The following NFAM1 variants were observed in gnomAD, a reference collection of about 807,000 sequenced individuals.
NFAM1 encodes NFAT activating protein with ITAM motif 1.
Under a neutral mutation model 29.0 loss-of-function variants are expected in NFAM1, and 17 were observed. That is an observed-to-expected ratio of 0.59 (90% CI 0.40 to 0.88). The LOEUF is 0.88. Ranked by LOEUF, NFAM1 falls within the 40% of genes least tolerant of loss-of-function variation. NFAM1 has a pLI of 0.00. For synonymous variants in NFAM1, 175 were observed against 147.2 expected (o/e 1.19, Z -1.36); for missense variants, 324 against 344.6 (o/e 0.94, Z 0.47).
At chr22:42,385,932 T>C (rs1929123378) in intron 5 of NFAM1, among the ~76,000 whole-genome samples, 1 of 152,232 alleles carries the variant, frequency 6.6e-6, no homozygotes, top group Admixed American at 6.5e-5. Flanking sequence ...TGTGGGCTCC[T>C]GTTCTGGCTG....
At chr22:42,385,366 G>C (rs1429430300) in intron 5 of NFAM1, 146 bp from the exon 6 acceptor site, 1 of 671,740 alleles carries the variant, frequency 1.5e-6, no homozygotes, top group Non-Finnish European at 2.7e-6. Context: ...CTGTCTCCAA[G>C]CCCACCTCCC....
intron 3 of NFAM1, among the ~76,000 whole-genome samples, chr22:42,407,660 C>G (rs1043885003): frequency 3.3e-5 from 5 of 152,174 alleles, no homozygotes; most frequent in African/African-American, 1.2e-4. Flanking sequence ...GTGATCACAG[C>G]TCACTGCAGC....
chr22:42,434,681 T>C (rs1043675419), upstream of NFAM1, among the ~76,000 whole-genome samples: 12 of 152,208 alleles, frequency 7.9e-5, no homozygotes, highest in Non-Finnish European at 1.8e-4. Context: ...GTGCTTCCTC[T>C]CCTGTGCCCT....
chr22:42,399,031 G>A (rs926128439), intron 3 of NFAM1, among the ~76,000 whole-genome samples: 8 of 152,208 alleles, frequency 5.3e-5, no homozygotes, highest in Non-Finnish European at 1.0e-4. Context: ...GGGCAGAAGC[G>A]ATATTGAAGG....
At chr22:42,407,081 C>CTTTTT (rs1177618694) in intron 3 of NFAM1, among the ~76,000 whole-genome samples, 11 of 118,966 alleles carry the variant, frequency 9.2e-5, no homozygotes, top group African/African-American at 3.4e-4. Context: ...GGACCTTCCT[C>CTTTTT]TTTTTTTTTT....
At chr22:42,411,781 G>A (rs367737431) in intron 1 of NFAM1, 45 bp from the exon 2 acceptor site, 5 of 1,381,612 alleles carry the variant, frequency 3.6e-6, no homozygotes, top group East Asian at 2.3e-5. Flanking sequence ...ACTTGAGGCT[G>A]CCTCAGTCCC....
At chr22:42,389,594 GGGGCT>G in intron 4 of NFAM1, among the ~76,000 whole-genome samples, 1 of 150,882 alleles carries the variant, frequency 6.6e-6, no homozygotes, top group East Asian at 2.0e-4. Context: ...TTGTGGGGCT[GGGGCT>G]GGGCTGGGCT....
chr22:42,430,380 C>T (rs1473697395), intron 1 of NFAM1, among the ~76,000 whole-genome samples: 2 of 152,036 alleles, frequency 1.3e-5, no homozygotes, highest in African/African-American at 4.8e-5. Context: ...GCCAACATGG[C>T]AAAACTCTGT....
At chr22:42,389,215 G>C (rs1929249656) in intron 4 of NFAM1, among the ~76,000 whole-genome samples, 1 of 152,218 alleles carries the variant, frequency 6.6e-6, no homozygotes, top group African/African-American at 2.4e-5. Flanking sequence ...AGCCCAGAGA[G>C]GGCAGGTGAT....
intron 1 of NFAM1, among the ~76,000 whole-genome samples, chr22:42,413,029 G>C (rs1242024931): frequency 6.6e-6 from 1 of 152,184 alleles, no homozygotes; most frequent in Non-Finnish European, 1.5e-5. Flanking sequence ...ATCCTGGGCT[G>C]GGGGCAGCAG....
rs200270889 is a variant in NFAM1 at position 42,387,042 on chromosome 22, T to A, written c.700A>T (p.Ile234Phe). ...GGTGAGCTGCCATCCTCATTCTCGA[T>A]GCAGGCATAGACCTCGGTCTCGCGG... ...QRRETEVYAC[I>F]ENEDGSSPTA... Residue 234 changes from isoleucine to phenylalanine, a missense_variant, in exon 5 of 6, where the codon ATC (isoleucine) becomes TTC (phenylalanine). By Grantham distance (21) the Ile-to-Phe change is conservative. Coordinates refer to ENST00000329021, the MANE Select transcript of NFAM1 (RefSeq NM_145912.8). 1 of 1,587,592 alleles carries A rather than the reference T, an allele frequency of 6.3e-7. No homozygotes were observed. Among genetic ancestry groups the A allele is most frequent in the Admixed American group, 1.8e-5 (1 of 56,164 alleles).
intron 3 of NFAM1, among the ~76,000 whole-genome samples, chr22:42,400,749 A>C (rs1929698835): frequency 6.6e-6 from 1 of 152,214 alleles, no homozygotes; most frequent in African/African-American, 2.4e-5. Context: ...CTGCTTCTTG[A>C]GGGCACCGTC....
chr22:42,392,943 G>A (rs766426495), intron 4 of NFAM1, among the ~76,000 whole-genome samples: 1 of 152,038 alleles, frequency 6.6e-6, no homozygotes, highest in Admixed American at 6.6e-5. Flanking sequence ...GAGGCAACAG[G>A]TGTGCACCAC....
At chr22:42,425,359 A>G (rs1475718837) in intron 1 of NFAM1, among the ~76,000 whole-genome samples, 1 of 152,136 alleles carries the variant, frequency 6.6e-6, no homozygotes, top group Non-Finnish European at 1.5e-5. Context: ...TTTAAAATAT[A>G]TATGCTTCTG....
chr22:42,422,042 C>T (rs765086083), intron 1 of NFAM1, among the ~76,000 whole-genome samples: 23 of 152,208 alleles, frequency 1.5e-4, no homozygotes, highest in Admixed American at 5.2e-4. Context: ...GAGACTATTT[C>T]GGAGCTTTTA....
chr22:42,386,325 G>A lies in NFAM1; in HGVS notation c.753+664C>T, dbSNP rs533005667. ...AGAAGTGGAGGTTGCAGTGAGCTGA[G>A]ATCGCGCCACTGCACTCTGGCCTGG... On this transcript the variant is annotated intron_variant, in intron 5 of 5. Coordinates refer to ENST00000329021, the MANE Select transcript of NFAM1 (RefSeq NM_145912.8). 8.6e-5 allele frequency among the ~76,000 whole-genome samples: 13 copies of A among 151,966 alleles called. 1 individual carries two copies. The South Asian group carries it at 2.3e-3, about 27-fold the overall frequency.
At chr22:42,411,815 C>A (rs1178337331) in intron 1 of NFAM1, 79 bp from the exon 2 acceptor site, 3 of 966,496 alleles carry the variant, frequency 3.1e-6, no homozygotes, top group East Asian at 5.1e-5. Flanking sequence ...TTAAGGCTCA[C>A]GACCGGGTGC....
chr22:42,405,773 A>G (rs73886083), intron 3 of NFAM1, among the ~76,000 whole-genome samples: 4,266 of 152,226 alleles, frequency 0.028, 204 homozygotes, highest in African/African-American at 0.099. Flanking sequence ...GTGGTACCCA[A>G]GGCCTGCGAC....
intron 3 of NFAM1, among the ~76,000 whole-genome samples, chr22:42,399,973 C>G (rs534461363): frequency 2.6e-5 from 4 of 152,334 alleles, no homozygotes; most frequent in Non-Finnish European, 5.9e-5. Flanking sequence ...CAACACCTGA[C>G]CTGCCTTCTC....
Sources: allele counts gnomAD v4.1 joint callset (sites outside exome capture counted in the v4.1 genomes callset), GRCh38; gene constraint gnomAD v4.1.1; transcripts MANE v1.5; gene names NCBI Gene and HGNC (gene_info 2026-07-23, HGNC 2026-07-21).